Variants in ERLEC1 observed in about 807,000 individuals in gnomAD.
ERLEC1 encodes endoplasmic reticulum lectin 1.
Under a neutral mutation model 68.0 loss-of-function variants are expected in ERLEC1, and 47 were observed. That is an observed-to-expected ratio of 0.69 (90% CI 0.55 to 0.88). The LOEUF (loss-of-function observed/expected upper bound fraction) is 0.88, where lower values mean the gene tolerates loss of function less well. Ranked by LOEUF, ERLEC1 falls within the 40% of genes least tolerant of loss-of-function variation. The probability of loss-of-function intolerance (pLI) is 0.00; values close to 1 mark genes in which losing one functional copy is unlikely to be tolerated. For synonymous variants in ERLEC1, 225 were observed against 203.2 expected (o/e 1.11, Z -0.91); for missense variants, 567 against 583.8 (o/e 0.97, Z 0.30).
intron 10 of ERLEC1, among the ~76,000 whole-genome samples, chr2:53,810,246 G>A (rs1318684774): frequency 6.6e-6 from 1 of 152,078 alleles, no homozygotes; most frequent in Non-Finnish European, 1.5e-5. Flanking sequence ...AAGGCAGGAG[G>A]ATCACTTGAG....
chr2:53,797,597 GTTT>G lies in ERLEC1; in HGVS notation c.426+8_426+10del. 2 of 1,607,424 alleles carry G rather than the reference GTTT, an allele frequency of 1.2e-6. No homozygotes were observed. Among genetic ancestry groups the G allele is most frequent in the South Asian group, 2.2e-5 (2 of 89,186 alleles). The stretch of plus-strand genomic sequence containing the variant: ...GAAGAGAAAGAAACTGGTCAGGTGT[GTTT>G]TTCTTCAAAATATTATTATGAAACA... On this transcript the variant is annotated splice_donor_region_variant and intron_variant, in intron 4 of 13. Coordinates refer to ENST00000185150, the MANE Select transcript of ERLEC1 (RefSeq NM_015701.5).
chr2:53,804,241 A>G (rs1035139327), intron 8 of ERLEC1, among the ~76,000 whole-genome samples: 9 of 152,052 alleles, frequency 5.9e-5, no homozygotes, highest in African/African-American at 2.2e-4. Flanking sequence ...GATATTTTAC[A>G]TATACTCTTT....
At chr2:53,809,309 G>A in intron 10 of ERLEC1, 36 bp downstream of exon 10, 1 of 1,386,152 alleles carries the variant, frequency 7.2e-7, no homozygotes, top group Non-Finnish European at 9.7e-7. Flanking sequence ...TCTACCACTA[G>A]ATGGTTTAAA....
At position 53,808,362 on chromosome 2, in the gene ERLEC1, T is replaced by C. The variant is rs902346729; in HGVS notation, c.943T>C (p.Ser315Pro). ...PAIHKSIAIGSQPVLTVGTTH... is the reference protein window; with the variant it reads ...PAIHKSIAIGPQPVLTVGTTH... Reference sequence around the variant, plus strand: ...GATCCACAAGTCGATTGCTATTGGCTCTCAGCCAGTGCTCACTGTTGGGAC... The same window carrying C: ...GATCCACAAGTCGATTGCTATTGGCCCTCAGCCAGTGCTCACTGTTGGGAC... The change falls in exon 9 of 14, where the codon TCT becomes CCT. Residue 315 changes from serine to proline, a missense_variant. By Grantham distance (74) the Ser-to-Pro change is moderately conservative. Transcript: ENST00000185150. 4 of 1,614,198 alleles carry C rather than the reference T, an allele frequency of 2.5e-6. No individual in the cohort carries two copies. The highest frequency in any genetic ancestry group is 2.2e-5 in the East Asian group (1 of 44,878).
intron 2 of ERLEC1, among the ~76,000 whole-genome samples, chr2:53,794,885 C>T (rs1675605327): frequency 1.3e-5 from 2 of 151,994 alleles, no homozygotes; most frequent in Non-Finnish European, 1.5e-5. Context: ...GATTTCTTGA[C>T]CTCATGATCT....
At chr2:53,817,784 T>C in intron 13 of ERLEC1, 114 bp from the exon 14 acceptor site, 1 of 651,358 alleles carries the variant, frequency 1.5e-6, no homozygotes, top group Non-Finnish European at 2.8e-6. Context: ...GATGTTTATC[T>C]AAAACAAGGA....
At position 53,817,977 on chromosome 2, in the gene ERLEC1, T is replaced by G. The variant is rs1676991337; in HGVS notation, c.*8T>G. On this transcript the variant is annotated 3_prime_UTR_variant, in exon 14 of 14. Transcript: ENST00000185150. ...CTTTCTCTCCCCAACTAAAGGATAT[T>G]AAAGTTAGGGGAAAGAAAAGATCAT... 4.7e-6 allele frequency: 7 copies of G among 1,489,304 alleles called. No individual in the cohort carries two copies. The highest frequency in any genetic ancestry group is 6.6e-6 in the Non-Finnish European group (7 of 1,066,650). 92.3% of individuals were successfully genotyped at this position (1,489,304 alleles called of 1,614,324 possible).
intron 3 of ERLEC1, 31 bp downstream of exon 3, chr2:53,796,044 A>C: frequency 7.2e-7 from 1 of 1,391,426 alleles, no homozygotes; most frequent in African/African-American, 1.5e-5. Context: ...TGATGACTAG[A>C]AAATAGATTA....
chr2:53,812,695 G>C (rs1443996059), intron 10 of ERLEC1, among the ~76,000 whole-genome samples: 1 of 152,096 alleles, frequency 6.6e-6, no homozygotes, highest in Non-Finnish European at 1.5e-5. Flanking sequence ...GAGAAAAAGA[G>C]ATAGAAGAGC....
chr2:53,802,304 T>C (rs1012050566), intron 8 of ERLEC1, among the ~76,000 whole-genome samples: 6 of 152,206 alleles, frequency 3.9e-5, no homozygotes, highest in African/African-American at 1.4e-4. Context: ...CACTCATCAT[T>C]TTTTTCTCTT....
At chr2:53,814,164 G>C (rs1676738167) in intron 11 of ERLEC1, among the ~76,000 whole-genome samples, 1 of 152,120 alleles carries the variant, frequency 6.6e-6, no homozygotes, top group South Asian at 2.1e-4. Flanking sequence ...GTATTTTAAT[G>C]GGAGTAGCTT....
In ERLEC1 at chr2:53,808,471, A is replaced by C. The variant is rs1194781524; in HGVS notation, c.1041+11A>C. The C allele has an allele frequency of 6.2e-7, 1 of 1,612,250 alleles. No individual in the cohort carries two copies. The highest frequency in any genetic ancestry group is 2.2e-5 in the East Asian group (1 of 44,860). ...TACTGCTTTCGTGGGGTGAGAAGTA[A>C]ATCTTCAGTTTAAATATTTATTTTA... On this transcript the variant is annotated intron_variant, in intron 9 of 13. Coordinates refer to ENST00000185150, the MANE Select transcript of ERLEC1 (RefSeq NM_015701.5).
intron 13 of ERLEC1, 141 bp downstream of exon 13, chr2:53,815,076 G>A: frequency 1.8e-6 from 1 of 541,056 alleles, no homozygotes; most frequent in Non-Finnish European, 3.2e-6. Context: ...CATAATCTTG[G>A]CTCACTGCAA....
At chr2:53,787,544 A>T in intron 1 of ERLEC1, 172 bp downstream of exon 1, 2 of 676,802 alleles carry the variant, frequency 3.0e-6, no homozygotes, top group Non-Finnish European at 4.6e-6. Context: ...TTCTCACGTT[A>T]TGTGGATGCG....
intron 1 of ERLEC1, among the ~76,000 whole-genome samples, chr2:53,790,185 C>G (rs1454695723): frequency 1.3e-5 from 2 of 151,842 alleles, no homozygotes; most frequent in Non-Finnish European, 2.9e-5. Context: ...CTTCTGCCTC[C>G]CGGGTTCAAG....
rs754468216 is a variant in ERLEC1, at chr2:53,809,169, A to G, written c.1042-45A>G. 12 of 1,393,088 alleles carry G rather than the reference A, an allele frequency of 8.6e-6. No individual in the cohort carries two copies. The African/African-American group carries it at 1.5e-4, about 17-fold the overall frequency. 86.3% of individuals were successfully genotyped at this position (1,393,088 alleles called of 1,614,324 possible). A position where few individuals can be genotyped will look rare whatever the true frequency, so the allele number is the denominator to read the frequency against. On this transcript the variant is annotated intron_variant, in intron 9 of 13. Transcript: ENST00000185150. The stretch of plus-strand genomic sequence containing the variant: ...TACTGTCATGTGGCATTATTGAGAA[A>G]GGCCCAGTTCTTAACTTGATCTAAT...
intron 6 of ERLEC1, among the ~76,000 whole-genome samples, chr2:53,799,857 A>G (rs1675914870): frequency 6.6e-6 from 1 of 152,186 alleles, no homozygotes; most frequent in African/African-American, 2.4e-5. Context: ...CTATTTTAAA[A>G]GATTTTAATT....
intron 11 of ERLEC1, among the ~76,000 whole-genome samples, chr2:53,814,114 G>A (rs749061606): frequency 9.2e-5 from 14 of 152,142 alleles, no homozygotes; most frequent in Admixed American, 6.5e-4. Context: ...TGACAGTTTG[G>A]CCTAGGCTTT....
At chr2:53,787,528 C>T (rs1675117849) in intron 1 of ERLEC1, 156 bp downstream of exon 1, 3 of 826,436 alleles carry the variant, frequency 3.6e-6, no homozygotes, top group Admixed American at 6.2e-5. Flanking sequence ...TTCATTCATT[C>T]GTTCGTTCTC....
Sources: allele counts gnomAD v4.1 joint callset (sites outside exome capture counted in the v4.1 genomes callset), GRCh38; gene constraint gnomAD v4.1.1; transcripts MANE v1.5; gene names NCBI Gene and HGNC (gene_info 2026-07-23, HGNC 2026-07-21).